Variants in TSPAN7 observed in about 807,000 individuals in gnomAD.
TSPAN7 encodes the protein tetraspanin-7.
TSPAN7 carries 1 observed loss-of-function variant against 17.6 expected under a neutral mutation model. The observed-to-expected ratio is 0.06, with a 90% CI of 0.02 to 0.27. The LOEUF (loss-of-function observed/expected upper bound fraction) is 0.27. Among genes scored for constraint, TSPAN7 ranks in the 10% least tolerant of loss-of-function variants. The pLI, the probability that TSPAN7 is intolerant of heterozygous loss-of-function variation, is 1.00. For missense variants in TSPAN7, 112 were observed against 201.7 expected, an observed-to-expected ratio of 0.56 and a Z score of 2.69; for synonymous variants, 78 against 79.0, an observed-to-expected ratio of 0.99 and a Z score of 0.07.
intron 1 of TSPAN7, among the ~76,000 whole-genome samples, chrX:38,607,436 G>A (rs2069389695): frequency 9.0e-6 from 1 of 110,905 alleles, no homozygotes; most frequent in South Asian, 3.9e-4. Flanking sequence ...CTGTGCTTCA[G>A]CTTCTTACTC....
chrX:38,629,120 G>A (rs902399858), intron 1 of TSPAN7, among the ~76,000 whole-genome samples: 1 of 112,472 alleles, frequency 8.9e-6, no homozygotes, highest in Non-Finnish European at 1.9e-5. Flanking sequence ...TGCATGAAAT[G>A]TTCTGTATTC....
chrX:38,677,114 G>C (rs1190802272), intron 5 of TSPAN7, among the ~76,000 whole-genome samples: 1 of 111,756 alleles, frequency 8.9e-6, no homozygotes, highest in Non-Finnish European at 1.9e-5. Flanking sequence ...TGAAAATTGA[G>C]GATCCAGAAG....
chrX:38,595,245 T>C (rs1049665993), intron 1 of TSPAN7, among the ~76,000 whole-genome samples: 6 of 111,490 alleles, frequency 5.4e-5, no homozygotes, highest in African/African-American at 2.0e-4. Flanking sequence ...TTTTCTCCTA[T>C]GGTTTTGAGC....
At chrX:38,644,906 G>A (rs1027768008) in intron 1 of TSPAN7, among the ~76,000 whole-genome samples, 1 of 111,907 alleles carries the variant, frequency 8.9e-6, no homozygotes, top group African/African-American at 3.3e-5. Flanking sequence ...ACACACACAG[G>A]TCACTTGCCA....
intron 1 of TSPAN7, among the ~76,000 whole-genome samples, chrX:38,643,761 C>T (rs1030830851): frequency 4.5e-5 from 5 of 109,933 alleles, no homozygotes; most frequent in Admixed American, 3.9e-4. Flanking sequence ...AGGAGAATGG[C>T]GTGAACCCAG....
chrX:38,672,400 C>T (rs986376697), intron 3 of TSPAN7, among the ~76,000 whole-genome samples: 4 of 109,474 alleles, frequency 3.7e-5, no homozygotes, highest in Non-Finnish European at 5.7e-5. Context: ...AAGTTCAGTT[C>T]CCCCTGAGCT....
intron 1 of TSPAN7, among the ~76,000 whole-genome samples, chrX:38,596,040 T>A (rs1423385599): frequency 8.9e-5 from 10 of 111,736 alleles, no homozygotes; most frequent in Non-Finnish European, 1.9e-4. Context: ...AAATGACAGG[T>A]TGTGTGATCT....
chrX:38,577,990 G>T (rs777281375), intron 1 of TSPAN7, among the ~76,000 whole-genome samples: 1 of 110,141 alleles, frequency 9.1e-6, no homozygotes. Context: ...GGCCTGAAGA[G>T]TGGCTTTTCA....
chrX:38,577,559 C>G (rs1322906014), intron 1 of TSPAN7, among the ~76,000 whole-genome samples: 1 of 103,197 alleles, frequency 9.7e-6, no homozygotes, highest in Non-Finnish European at 2.0e-5. Flanking sequence ...CAAACTATCG[C>G]AAGGACAAAA....
chrX:38,591,672 GT>G (rs2069292690), intron 1 of TSPAN7, among the ~76,000 whole-genome samples: 1 of 112,017 alleles, frequency 8.9e-6, no homozygotes, highest in Non-Finnish European at 1.9e-5. Flanking sequence ...TGCTTTATGT[GT>G]TTTGAAGCTG....
chrX:38,575,788 C>T (rs984782812), intron 1 of TSPAN7, among the ~76,000 whole-genome samples: 3 of 111,816 alleles, frequency 2.7e-5, no homozygotes, highest in Non-Finnish European at 5.7e-5. Flanking sequence ...TAAAGTCAAA[C>T]AGTTGTAGTG....
intron 1 of TSPAN7, among the ~76,000 whole-genome samples, chrX:38,628,521 G>A (rs1013483926): frequency 4.5e-5 from 5 of 111,458 alleles, no homozygotes; most frequent in African/African-American, 1.3e-4. Flanking sequence ...AATGAATGTC[G>A]TGCATTTTGA....
intron 1 of TSPAN7, among the ~76,000 whole-genome samples, chrX:38,633,983 C>G (rs1416579299): frequency 1.8e-5 from 2 of 111,730 alleles, no homozygotes; most frequent in African/African-American, 6.5e-5. Context: ...TTGCTAGATG[C>G]CTGTCAGAAC....
intron 6 of TSPAN7, among the ~76,000 whole-genome samples, chrX:38,684,153 T>A (rs1276341061): frequency 8.9e-6 from 1 of 112,281 alleles, no homozygotes; most frequent in Non-Finnish European, 1.9e-5. Context: ...TCTCAAAGAT[T>A]AAAGGTGGTA....
At chrX:38,594,440 C>T (rs953415489) in intron 1 of TSPAN7, among the ~76,000 whole-genome samples, 3 of 111,473 alleles carry the variant, frequency 2.7e-5, no homozygotes, top group Non-Finnish European at 3.8e-5. Context: ...CAATGCTTCT[C>T]AGAGTCAGGG....
At chrX:38,650,432 GTCAC>G (rs1200193446) in intron 1 of TSPAN7, among the ~76,000 whole-genome samples, 1 of 111,912 alleles carries the variant, frequency 8.9e-6, no homozygotes, top group Non-Finnish European at 1.9e-5. Flanking sequence ...CTTGGTCACA[GTCAC>G]TCACAGTGTG....
intron 1 of TSPAN7, among the ~76,000 whole-genome samples, chrX:38,617,147 G>A (rs936402709): frequency 2.7e-5 from 3 of 111,883 alleles, no homozygotes; most frequent in South Asian, 3.8e-4. Flanking sequence ...CATTCGGCCC[G>A]AGAGTGCTGG....
intron 1 of TSPAN7, among the ~76,000 whole-genome samples, chrX:38,655,407 T>C (rs2069697470): frequency 9.0e-6 from 1 of 111,439 alleles, no homozygotes; most frequent in African/African-American, 3.3e-5. Flanking sequence ...TTGCATTTAG[T>C]AGCAGTACCA....
At chrX:38,651,452 G>A (rs970431809) in intron 1 of TSPAN7, among the ~76,000 whole-genome samples, 12 of 111,900 alleles carry the variant, frequency 1.1e-4, no homozygotes, top group African/African-American at 3.2e-4. Flanking sequence ...GCGACAGAGC[G>A]AGACTCCATC....
Sources: allele counts gnomAD v4.1 joint callset (sites outside exome capture counted in the v4.1 genomes callset), GRCh38; gene constraint gnomAD v4.1.1; transcripts MANE v1.5; gene names NCBI Gene and HGNC (gene_info 2026-07-23, HGNC 2026-07-21).